WDR33: variants seen among roughly 807,000 people sequenced by gnomAD.
WDR33 encodes the protein pre-mRNA 3' end processing protein WDR33.
In WDR33, 47 loss-of-function variants were observed where a neutral mutation model predicts 164.9. That is an observed-to-expected ratio of 0.29 (90% confidence interval 0.23 to 0.36). The LOEUF is 0.36. Among genes scored for constraint, WDR33 ranks in the 10% least tolerant of loss-of-function variants. The pLI, the probability that WDR33 is intolerant of heterozygous loss-of-function variation, is 1.00. For missense variants in WDR33, 1,137 were observed against 1,754.1 expected, an observed-to-expected ratio of 0.65 and a Z score of 6.28; for synonymous variants, 505 against 589.0, an observed-to-expected ratio of 0.86 and a Z score of 2.06.
chr2:127,768,325 T>C, intron 3 of WDR33, 32 bp from the exon 4 acceptor site: 1 of 1,367,480 alleles, frequency 7.3e-7, no homozygotes, highest in Non-Finnish European at 9.9e-7. Context: ...TTCTTAGAGC[T>C]CCTGATTACA....
Position 127,712,050 on chromosome 2 carries a change from G to T in WDR33, c.3308+1533C>A, listed in dbSNP as rs1424728742. Among the ~76,000 whole-genome samples the T allele has an allele frequency of 2.0e-5, 3 of 151,524 alleles. No individual in the cohort carries two copies. On this transcript the variant is annotated intron_variant, in intron 18 of 21. Coordinates refer to ENST00000322313, the MANE Select transcript of WDR33 (RefSeq NM_018383.5). The surrounding 1 kb of genome is among the most constrained non-coding windows in gnomAD (Gnocchi z 4.0). ...GCCTCCCAAAGTGCTGGGATTACAA[G>T]CGTGAGCCACTGTGCCCGGCCTTAA...
At position 127,719,942 on chromosome 2, in the gene WDR33, G is replaced by A; in HGVS notation, c.2083C>T (p.Pro695Ser). ...CCTTGAGGACCAGAACTACCTTGTG[G>A]TCCAGGTGGCCCTTGAGGTCCCAAA... ...GPLGPQGPPG[P>S]QGSSGPQGHM... Residue 695 changes from proline to serine, a missense_variant, in exon 16 of 22, where the codon CCA (proline) becomes TCA (serine). By Grantham distance (74) the Pro-to-Ser change is moderately conservative. This residue lies in a region of WDR33 where 867 missense variants were observed against 1,073.0 expected (regional missense o/e 0.81). Transcript: ENST00000322313. This position sits in a 1 kb window ranked among gnomAD's most constrained non-coding sequence, Gnocchi z 6.5. 1 of 1,614,024 alleles carries A rather than the reference G, an allele frequency of 6.2e-7. No homozygotes were observed. Among genetic ancestry groups the A allele is most frequent in the Non-Finnish European group, 8.5e-7 (1 of 1,179,992 alleles).
chr2:127,780,458 A>G (rs1057484489), intron 1 of WDR33, among the ~76,000 whole-genome samples: 2 of 152,192 alleles, frequency 1.3e-5, no homozygotes, highest in Admixed American at 6.5e-5. Flanking sequence ...AATGATCAAC[A>G]TGCTCTTTCT....
intron 7 of WDR33, among the ~76,000 whole-genome samples, chr2:127,756,334 CAAA>C (rs57883631): frequency 6.5e-4 from 71 of 109,708 alleles, no homozygotes; most frequent in Non-Finnish European, 7.7e-4. Flanking sequence ...ATTCCAACTC[CAAA>C]AAAAAAAAAA....
intron 7 of WDR33, among the ~76,000 whole-genome samples, chr2:127,731,122 C>T (rs1289419911): frequency 2.0e-5 from 3 of 151,522 alleles, no homozygotes; most frequent in African/African-American, 2.4e-5. Context: ...TAGTGAGATG[C>T]CATTTTTACA....
At chr2:127,795,871 A>C (rs1689020640) in intron 1 of WDR33, among the ~76,000 whole-genome samples, 1 of 151,620 alleles carries the variant, frequency 6.6e-6, no homozygotes, top group South Asian at 2.1e-4. Flanking sequence ...TCCAGAAGTT[A>C]ATGCAAGAAG....
Position 127,748,674 on chromosome 2 carries a change from A to G in WDR33, c.724+14388T>C, listed in dbSNP as rs533644104. On this transcript the variant is annotated intron_variant, in intron 7 of 21. Transcript: ENST00000322313. ...GTATCTGGGTTATGTCTAGATTTAGAGGTACTTTAAACAAGGGATGCAGGA... is the reference window on the plus strand; with the variant it reads ...GTATCTGGGTTATGTCTAGATTTAGGGGTACTTTAAACAAGGGATGCAGGA... Among the ~76,000 whole-genome samples, 15 of 152,276 alleles carry G rather than the reference A, an allele frequency of 9.9e-5. 1 individual carries two copies. The South Asian group carries it at 3.1e-3, about 32-fold the overall frequency.
rs771708347 is a variant in WDR33 at position 127,721,812 on chromosome 2, TC to T, written c.1671+23del. ...ACTACCCTCTTAGATCATCTTGAAT[TC>T]CCCCCTACAGAGCTTCACACACCTC... is the stretch of plus-strand genomic sequence containing the variant. On this transcript the variant is annotated intron_variant, in intron 15 of 21. Transcript: ENST00000322313. This position sits in a 1 kb window ranked among gnomAD's most constrained non-coding sequence, Gnocchi z 4.9. 7 of 1,585,162 alleles carry T rather than the reference TC, an allele frequency of 4.4e-6. No individual in the cohort carries two copies. Among genetic ancestry groups the T allele is most frequent in the Non-Finnish European group, 6.0e-6 (7 of 1,168,962 alleles).
At chr2:127,758,223 C>T (rs1363441927) in intron 7 of WDR33, among the ~76,000 whole-genome samples, 2 of 152,026 alleles carry the variant, frequency 1.3e-5, no homozygotes, top group African/African-American at 4.8e-5. Context: ...CTACCCACAC[C>T]CTTCTCCCCC....
intron 8 of WDR33, among the ~76,000 whole-genome samples, chr2:127,725,838 T>G (rs1178964654): frequency 4.0e-5 from 6 of 151,892 alleles, no homozygotes; most frequent in African/African-American, 1.4e-4. Context: ...GGGAAGCACA[T>G]GAACACAGAA....
At position 127,703,535 on chromosome 2, in the gene WDR33, A is replaced by C. The variant is rs1247279638; in HGVS notation, c.*2788T>G. The C allele has an allele frequency of 6.0e-6, 1 of 167,146 alleles. No homozygotes were observed. The highest frequency in any genetic ancestry group is 1.9e-4 in the East Asian group (1 of 5,208). 10.4% of individuals were successfully genotyped at this position (167,146 alleles called of 1,614,324 possible). A position where few individuals can be genotyped will look rare whatever the true frequency, so the allele number is the denominator to read the frequency against. The stretch of plus-strand genomic sequence containing the variant: ...TCCCAAGAAGTGACACAAGTGGCCA[A>C]CATCCACACTGTAGGCTTGCAGGCT... On this transcript the variant is annotated 3_prime_UTR_variant, in exon 22 of 22. Coordinates refer to ENST00000322313, the MANE Select transcript of WDR33 (RefSeq NM_018383.5).
intron 7 of WDR33, among the ~76,000 whole-genome samples, chr2:127,749,555 G>C (rs990016555): frequency 6.6e-6 from 1 of 151,620 alleles, no homozygotes; most frequent in Non-Finnish European, 1.5e-5. Context: ...CCAGCTATTC[G>C]GGAGGCTGAG....
Position 127,779,118 on chromosome 2 carries a change from T to C in WDR33, c.-23-8114A>G, listed in dbSNP as rs531187407. On this transcript the variant is annotated intron_variant, in intron 1 of 21. Coordinates refer to ENST00000322313, the MANE Select transcript of WDR33 (RefSeq NM_018383.5). ...TCTTTAAACCAGAAATCACATCCCA[T>C]TGATGGTTCCTGAAATCAATGTGGC... Among the ~76,000 whole-genome samples the C allele has an allele frequency of 2.1e-4, 32 of 151,842 alleles. No homozygotes were observed. In the South Asian group the frequency reaches 3.5e-3, roughly 17 times the overall value.
At chr2:127,802,908 G>A (rs1395085139) in intron 1 of WDR33, among the ~76,000 whole-genome samples, 6 of 152,058 alleles carry the variant, frequency 3.9e-5, no homozygotes, top group Non-Finnish European at 8.8e-5. Flanking sequence ...CCAAACCTGC[G>A]AGGTTGAGGC....
intron 7 of WDR33, chr2:127,737,785 T>C: frequency 7.7e-7 from 1 of 1,301,086 alleles, no homozygotes; most frequent in Non-Finnish European, 9.7e-7. Context: ...AATGAACAAG[T>C]TCACTTTCAG....
At chr2:127,780,674 C>G (rs968745462) in intron 1 of WDR33, among the ~76,000 whole-genome samples, 2 of 152,056 alleles carry the variant, frequency 1.3e-5, no homozygotes, top group African/African-American at 4.8e-5. Flanking sequence ...GACCAGCCAA[C>G]ACAGTGAGAC....
Position 127,717,067 on chromosome 2 carries a change from T to C in WDR33, c.2869+88A>G. 1 of 1,355,674 alleles carries C rather than the reference T, an allele frequency of 7.4e-7. No homozygotes were observed. Among genetic ancestry groups the C allele is most frequent in the Non-Finnish European group, 1.0e-6 (1 of 968,678 alleles). 84.0% of individuals were successfully genotyped at this position (1,355,674 alleles called of 1,614,324 possible). ...CCCAGAGGTTCAAATGACCAGTCTA[T>C]CAATGACTGGCCAACAAAATTATTC... is the stretch of plus-strand genomic sequence containing the variant. On this transcript the variant is annotated intron_variant, in intron 17 of 21. Transcript: ENST00000322313. This position sits in a 1 kb window ranked among gnomAD's most constrained non-coding sequence, Gnocchi z 5.6.
In WDR33 at chr2:127,702,180, C is replaced by G. The variant is rs925447844; in HGVS notation, c.*4143G>C. ...CGCCAAGGTGCTGCCCGTGTGAGGA[C>G]CTCGCGCCCTCGCCGCTGGGGAAGT... On this transcript the variant is annotated 3_prime_UTR_variant, in exon 22 of 22. Transcript: ENST00000322313. The G allele has an allele frequency of 5.1e-5, 62 of 1,213,126 alleles. No individual in the cohort carries two copies. In the South Asian group the frequency reaches 1.6e-3, roughly 32 times the overall value. 75.1% of individuals were successfully genotyped at this position (1,213,126 alleles called of 1,614,324 possible).
chr2:127,810,075 T>A (rs577632415), intron 1 of WDR33, among the ~76,000 whole-genome samples: 5 of 152,166 alleles, frequency 3.3e-5, no homozygotes, highest in Non-Finnish European at 5.9e-5. Context: ...TATATACACA[T>A]ATATATGTAT....
Sources: gnomAD v4.1 joint callset for allele counts (sites outside exome capture counted in the v4.1 genomes callset) on GRCh38, gnomAD v4.1.1 for gene constraint, gnomAD v4.1.1 regional missense constraint, Gnocchi (gnomAD v3.1) non-coding constraint, MANE v1.5 for transcripts, NCBI Gene and HGNC (gene_info 2026-07-23, HGNC 2026-07-21) for gene names.